CBLB: variants seen among roughly 807,000 people sequenced by gnomAD.
CBLB encodes E3 ubiquitin-protein ligase CBL-B.
CBLB carries 31 observed loss-of-function variants against 104.9 expected under a neutral mutation model. That is an observed-to-expected ratio of 0.30 (90% CI 0.22 to 0.40). CBLB has a LOEUF of 0.40. Among genes scored for constraint, CBLB ranks in the 10% least tolerant of loss-of-function variants. CBLB has a pLI of 1.00. For synonymous variants in CBLB, 440 were observed against 422.6 expected, an observed-to-expected ratio of 1.04 and a Z score of -0.51; for missense variants, 1,062 against 1,214.6, an observed-to-expected ratio of 0.87 and a Z score of 1.87.
intron 3 of CBLB, among the ~76,000 whole-genome samples, chr3:105,837,097 A>T (rs2088643980): frequency 6.6e-6 from 1 of 152,244 alleles, no homozygotes; most frequent in Admixed American, 6.5e-5. Flanking sequence ...TAAAATTTAA[A>T]AACTAGTTTT....
At chr3:105,684,234 A>G (rs1391264773) in intron 14 of CBLB, among the ~76,000 whole-genome samples, 1 of 152,234 alleles carries the variant, frequency 6.6e-6, no homozygotes, top group Non-Finnish European at 1.5e-5. Context: ...CTATGTGCCA[A>G]GCATGGCCCC....
At chr3:105,833,114 A>G (rs1039445040) in intron 3 of CBLB, among the ~76,000 whole-genome samples, 1 of 152,214 alleles carries the variant, frequency 6.6e-6, no homozygotes, top group African/African-American at 2.4e-5. Flanking sequence ...CGTGAAATGA[A>G]TCTAGAAAGG....
At chr3:105,869,108 A>C (rs1578059401), upstream of CBLB, 1 of 916,724 alleles carries the variant, frequency 1.1e-6, no homozygotes, top group Non-Finnish European at 1.4e-6. Flanking sequence ...GCAACCGCGC[A>C]CTGCCCGACA....
intron 6 of CBLB, 24 bp from the exon 7 acceptor site, chr3:105,740,655 T>A (rs2075428494): frequency 6.3e-7 from 1 of 1,595,460 alleles, no homozygotes; most frequent in Non-Finnish European, 8.6e-7. Flanking sequence ...GAAAATTACA[T>A]CTAATTACAT....
rs767247931 is a variant in CBLB at position 105,867,431 on chromosome 3, A to G, written c.147T>C (p.Thr49=). ...AAADRRTVEK[T]WKLMDKVVRL... ...TTACCACTTTGTCCATGAGCTTCCA[A>G]GTCTTCTCCACGGTCCTGCGATCTG... The change falls in exon 2 of 19, where the codon ACT becomes ACC. Residue 49 remains threonine, a synonymous_variant. Coordinates refer to ENST00000394030, the MANE Select transcript of CBLB (RefSeq NM_170662.5). 4 of 1,614,178 alleles carry G rather than the reference A, an allele frequency of 2.5e-6. No individual in the cohort carries two copies. Among genetic ancestry groups the G allele is most frequent in the Non-Finnish European group, 3.4e-6 (4 of 1,180,024 alleles).
At chr3:105,785,504 C>T (rs1268360188) in intron 3 of CBLB, among the ~76,000 whole-genome samples, 1 of 152,094 alleles carries the variant, frequency 6.6e-6, no homozygotes, top group East Asian at 1.9e-4. Flanking sequence ...GTGCAGTTTC[C>T]AGAAACTCAA....
intron 13 of CBLB, among the ~76,000 whole-genome samples, chr3:105,691,618 G>C (rs1216286958): frequency 6.6e-6 from 1 of 152,128 alleles, no homozygotes; most frequent in Non-Finnish European, 1.5e-5. Flanking sequence ...ATTGAGCTTA[G>C]ATGTTTTATT....
intron 3 of CBLB, among the ~76,000 whole-genome samples, chr3:105,829,709 G>T (rs2087175551): frequency 2.7e-5 from 1 of 37,298 alleles, no homozygotes; most frequent in Admixed American, 2.2e-4. Context: ...AAACCAAACT[G>T]CAGCTATCTT....
At position 105,660,666 on chromosome 3, in the gene CBLB, T is replaced by C. The variant is rs183385966; in HGVS notation, c.2690-1437A>G. ...GTGAGGTTAAAAGCCAAACGTCTCATGCTTAATGTTCCCATCTTGTCTCCC... is the reference window on the plus strand; with the variant it reads ...GTGAGGTTAAAAGCCAAACGTCTCACGCTTAATGTTCCCATCTTGTCTCCC... On this transcript the variant is annotated intron_variant, in intron 18 of 18. Coordinates refer to ENST00000394030, the MANE Select transcript of CBLB (RefSeq NM_170662.5). Among the ~76,000 whole-genome samples, 447 of 152,324 alleles carry C rather than the reference T, an allele frequency of 2.9e-3. 2 individuals are homozygous for C. Among genetic ancestry groups the C allele is most frequent in the Non-Finnish European group, 5.4e-3 (366 of 68,030 alleles).
intron 18 of CBLB, among the ~76,000 whole-genome samples, chr3:105,660,966 CTT>C (rs35803625): frequency 1.7e-3 from 246 of 142,836 alleles, no homozygotes; most frequent in Admixed American, 3.2e-3. Flanking sequence ...ATGTCTTCTT[CTT>C]TTTTTTTTTT....
chr3:105,702,474 G>GATAAA lies in CBLB; in HGVS notation c.1594-16_1594-15insTTTAT. On this transcript the variant is annotated splice_polypyrimidine_tract_variant and intron_variant, in intron 11 of 18. Transcript: ENST00000394030. ...CAAGGAGAAGACTAAAGAAACAGAAGAGAAAAAAAAAAAAAAAAAAAAAAA... is the reference window on the plus strand; with the variant it reads ...CAAGGAGAAGACTAAAGAAACAGAAGATAAAAGAAAAAAAAAAAAAAAAAAAAAAA... 1.8e-5 allele frequency: 3 copies of GATAAA among 165,518 alleles called. No individual in the cohort carries two copies. The highest frequency in any genetic ancestry group is 1.9e-5 in the Non-Finnish European group (2 of 105,726). 10.3% of individuals were successfully genotyped at this position (165,518 alleles called of 1,614,324 possible). A position where few individuals can be genotyped will look rare whatever the true frequency, so the allele number is the denominator to read the frequency against.
At chr3:105,678,695 C>G in intron 16 of CBLB, 124 bp from the exon 17 acceptor site, 1 of 1,126,498 alleles carries the variant, frequency 8.9e-7, no homozygotes, top group Non-Finnish European at 1.3e-6. Context: ...CAGGGTTTAT[C>G]CAGCAGTTCA....
chr3:105,664,915 C>A (rs546952268), intron 18 of CBLB, among the ~76,000 whole-genome samples: 1 of 152,044 alleles, frequency 6.6e-6, no homozygotes, highest in Non-Finnish European at 1.5e-5. Context: ...AGTCTGGAGA[C>A]GTGAGATGCA....
Position 105,752,042 on chromosome 3 carries a change from C to T in CBLB, c.567-424G>A, listed in dbSNP as rs78864313. Among the ~76,000 whole-genome samples, 653 of 152,170 alleles carry T rather than the reference C, an allele frequency of 4.3e-3. 2 individuals carry two copies. Among genetic ancestry groups the T allele is most frequent in the Non-Finnish European group, 7.1e-3 (480 of 67,982 alleles). On this transcript the variant is annotated intron_variant, in intron 4 of 18. Coordinates refer to ENST00000394030, the MANE Select transcript of CBLB (RefSeq NM_170662.5). ...AATAATAGAAATCCTTTATTCATTGCACAAATGAGTAATATGTATCAACCA... is the reference window on the plus strand; with the variant it reads ...AATAATAGAAATCCTTTATTCATTGTACAAATGAGTAATATGTATCAACCA...
rs779437314 is a variant in CBLB, at chr3:105,678,417, C to T, written c.2569+14G>A. On this transcript the variant is annotated intron_variant, in intron 17 of 18. Transcript: ENST00000394030. ...GCTTTAAGTGAATAGTTTTCTTTGG[C>T]TTTTCCCTCCTACCTGAAGGAAGAA... The T allele has an allele frequency of 1.9e-6, 3 of 1,613,560 alleles. No homozygotes were observed. Among genetic ancestry groups the T allele is most frequent in the South Asian group, 2.2e-5 (2 of 91,068 alleles).
intron 17 of CBLB, chr3:105,671,067 A>G (rs999286593): frequency 5.5e-6 from 1 of 183,298 alleles, no homozygotes; most frequent in Non-Finnish European, 1.2e-5. Context: ...AAAAAATATG[A>G]TATTTACTAA....
intron 2 of CBLB, among the ~76,000 whole-genome samples, chr3:105,854,301 G>T (rs1577895365): frequency 6.6e-6 from 1 of 152,154 alleles, no homozygotes; most frequent in East Asian, 1.9e-4. Flanking sequence ...GGGCGTTCAG[G>T]GGCTGCCTGC....
In CBLB at chr3:105,659,085, G is replaced by A. The variant is rs145571986; in HGVS notation, c.2834C>T (p.Ala945Val). Residue 945 changes from alanine to valine, a missense_variant, in exon 19 of 19, where the codon GCC (alanine) becomes GTC (valine). Coordinates refer to ENST00000394030, the MANE Select transcript of CBLB (RefSeq NM_170662.5). ...TAAGGCTCTCTTCACCTCTTCAAAGGCATAACCCTCTCCCATGAGTTTTGC... is the reference window on the plus strand; with the variant it reads ...TAAGGCTCTCTTCACCTCTTCAAAGACATAACCCTCTCCCATGAGTTTTGC... ...KIAKLMGEGY[A>V]FEEVKRALEI... is the part of the protein sequence containing the mutation. The A allele has an allele frequency of 7.4e-6, 12 of 1,613,850 alleles. No individual in the cohort carries two copies. The African/African-American group carries it at 1.5e-4, about 20-fold the overall frequency.
At chr3:105,709,867 T>C (rs1455654417) in intron 10 of CBLB, among the ~76,000 whole-genome samples, 1 of 151,970 alleles carries the variant, frequency 6.6e-6, no homozygotes, top group Non-Finnish European at 1.5e-5. Context: ...CCATGTGTGA[T>C]AATTACCATT....
Sources: allele counts gnomAD v4.1 joint callset (sites outside exome capture counted in the v4.1 genomes callset), GRCh38; gene constraint gnomAD v4.1.1; transcripts MANE v1.5; gene names NCBI Gene and HGNC (gene_info 2026-07-23, HGNC 2026-07-21).